CTTNBP2: variants seen among roughly 807,000 people sequenced by gnomAD.
CTTNBP2 encodes cortactin-binding protein 2.
Under a neutral mutation model 156.9 loss-of-function variants are expected in CTTNBP2, and 108 were observed. The observed-to-expected ratio is 0.69, with a 90% CI of 0.59 to 0.81. The LOEUF (loss-of-function observed/expected upper bound fraction) is 0.81, where lower values mean the gene tolerates loss of function less well. Ranked by LOEUF, CTTNBP2 falls within the 30% of genes least tolerant of loss-of-function variation. The probability of loss-of-function intolerance (pLI) is 0.00; values close to 1 mark genes in which losing one functional copy is unlikely to be tolerated. For synonymous variants in CTTNBP2, 767 were observed against 751.8 expected, an observed-to-expected ratio of 1.02 and a Z score of -0.33; for missense variants, 1,924 against 2,035.4, an observed-to-expected ratio of 0.95 and a Z score of 1.05.
intron 2 of CTTNBP2, among the ~76,000 whole-genome samples, chr7:117,828,483 T>C (rs1192079821): frequency 6.6e-6 from 1 of 152,164 alleles, no homozygotes; most frequent in African/African-American, 2.4e-5. Context: ...GCAGGACAAG[T>C]ATCATTTGCA....
At chr7:117,871,934 C>A (rs1804635425) in intron 1 of CTTNBP2, 23 of 984,374 alleles carry the variant, frequency 2.3e-5, no homozygotes, top group Non-Finnish European at 2.8e-5. Context: ...GGCACCAAAT[C>A]ATTTCCACTT....
At position 117,792,511 on chromosome 7, in the gene CTTNBP2, T is replaced by C; in HGVS notation, c.685A>G (p.Lys229Glu). 1 of 1,614,190 alleles carries C rather than the reference T, an allele frequency of 6.2e-7. No homozygotes were observed. The highest frequency in any genetic ancestry group is 8.5e-7 in the Non-Finnish European group (1 of 1,180,024). Reference sequence around the variant, plus strand: ...TCAGTGTCAAACTCAGAGAGTTGTTTTTCCATCTGAGCTTCCATTTCTGTG... The same window carrying C: ...TCAGTGTCAAACTCAGAGAGTTGTTCTTCCATCTGAGCTTCCATTTCTGTG... The part of the protein sequence containing the change: ...RSTEMEAQME[K>E]QLSEFDTERE... The change falls in exon 4 of 23, where the codon AAA becomes GAA. Residue 229 changes from lysine to glutamate, a missense_variant. Coordinates refer to ENST00000160373, the MANE Select transcript of CTTNBP2 (RefSeq NM_033427.3). This position sits in a 1 kb window ranked among gnomAD's most constrained non-coding sequence, Gnocchi z 4.2.
intron 11 of CTTNBP2, among the ~76,000 whole-genome samples, chr7:117,757,528 T>TAA (rs56687697): frequency 0.055 from 4,987 of 91,294 alleles, 166 homozygotes; most frequent in African/African-American, 0.093. Context: ...TTAAGCACAG[T>TAA]AAAAAAAAAA....
chr7:117,714,735 G>T (rs1303578858), intron 22 of CTTNBP2, among the ~76,000 whole-genome samples: 1 of 152,204 alleles, frequency 6.6e-6, no homozygotes, highest in African/African-American at 2.4e-5. Context: ...GTTAGGATGA[G>T]AACATGGAGA....
At chr7:117,761,755 G>A in intron 9 of CTTNBP2, among the ~76,000 whole-genome samples, 1 of 152,094 alleles carries the variant, frequency 6.6e-6, no homozygotes, top group South Asian at 2.1e-4. Context: ...TCAAAGGTAT[G>A]TTTTTTTCAA....
chr7:117,823,360 TGTG>T (rs1394048412), intron 2 of CTTNBP2, among the ~76,000 whole-genome samples: 2 of 152,190 alleles, frequency 1.3e-5, no homozygotes, highest in Non-Finnish European at 2.9e-5. Context: ...AATTAAGTCT[TGTG>T]GTTGAAAAAA....
intron 6 of CTTNBP2, among the ~76,000 whole-genome samples, chr7:117,782,393 A>G (rs552341055): frequency 1.3e-5 from 2 of 152,332 alleles, no homozygotes; most frequent in South Asian, 2.1e-4. Flanking sequence ...TCATGCTTCC[A>G]TTTTGTTTTA....
chr7:117,760,372 A>T, intron 10 of CTTNBP2, 63 bp downstream of exon 10: 1 of 1,513,014 alleles, frequency 6.6e-7, no homozygotes, highest in Admixed American at 1.8e-5. Flanking sequence ...TCAGGTTATG[A>T]AACCCACAAA....
In CTTNBP2 at chr7:117,728,150, GA is replaced by G; in HGVS notation, c.3993del (p.Gly1333AspfsTer10). 6.2e-7 allele frequency: 1 copy of G among 1,614,204 alleles called. No homozygotes were observed. Among genetic ancestry groups the G allele is most frequent in the Non-Finnish European group, 8.5e-7 (1 of 1,180,014 alleles). ...CAAGACAGGAAATATTTTGGTCCAA[GA>G]AGTGCTTCAGGTGTGCCCAAGCGGG... ...CLARLGTPEA[L>X]LGPKYFLSCP... On this transcript the variant is annotated frameshift_variant, in exon 17 of 23. Transcript: ENST00000160373. LOFTEE classifies it high-confidence loss of function.
At chr7:117,753,765 G>C (rs1335520793) in intron 12 of CTTNBP2, among the ~76,000 whole-genome samples, 1 of 95,422 alleles carries the variant, frequency 1.0e-5, no homozygotes, top group Non-Finnish European at 2.4e-5. Flanking sequence ...CTGTCACAGT[G>C]GGGGCTGGCG....
intron 2 of CTTNBP2, among the ~76,000 whole-genome samples, chr7:117,855,533 C>T (rs921981199): frequency 6.6e-6 from 1 of 152,150 alleles, no homozygotes; most frequent in Non-Finnish European, 1.5e-5. Context: ...GTTGTCACAA[C>T]CAAAGAGTTG....
intron 2 of CTTNBP2, among the ~76,000 whole-genome samples, chr7:117,812,219 G>A (rs2116977078): frequency 6.6e-6 from 1 of 152,070 alleles, no homozygotes; most frequent in East Asian, 1.9e-4. Context: ...GAAAATAGCA[G>A]TAGAAATGTA....
chr7:117,781,704 C>T (rs977907965), intron 6 of CTTNBP2, among the ~76,000 whole-genome samples: 3 of 152,150 alleles, frequency 2.0e-5, no homozygotes, highest in Admixed American at 6.5e-5. Context: ...CACCACTATA[C>T]TCCAGCCTGG....
At chr7:117,818,571 C>T (rs1416043596) in intron 2 of CTTNBP2, among the ~76,000 whole-genome samples, 1 of 152,132 alleles carries the variant, frequency 6.6e-6, no homozygotes, top group Non-Finnish European at 1.5e-5. Context: ...ATGGACACTG[C>T]CCCTCCTCCA....
At chr7:117,859,501 AATATAT>A (rs969633975) in intron 2 of CTTNBP2, among the ~76,000 whole-genome samples, 122 of 151,834 alleles carry the variant, frequency 8.0e-4, no homozygotes, top group Non-Finnish European at 1.5e-3. Context: ...AGGACCAAAA[AATATAT>A]ATATATATCT....
chr7:117,798,899 AATATT>A (rs890306994), intron 3 of CTTNBP2, among the ~76,000 whole-genome samples: 1 of 152,012 alleles, frequency 6.6e-6, no homozygotes, highest in Admixed American at 6.5e-5. Flanking sequence ...AGATTAAAGA[AATATT>A]AAAAGGATAA....
chr7:117,826,196 C>T (rs1243405079), intron 2 of CTTNBP2, among the ~76,000 whole-genome samples: 1 of 152,114 alleles, frequency 6.6e-6, no homozygotes, highest in African/African-American at 2.4e-5. Flanking sequence ...CAACTGTAAT[C>T]CACGTGCCCA....
At chr7:117,852,765 C>T (rs545208572) in intron 2 of CTTNBP2, among the ~76,000 whole-genome samples, 1 of 152,246 alleles carries the variant, frequency 6.6e-6, no homozygotes, top group South Asian at 2.1e-4. Context: ...TTCTATGCAG[C>T]TTTTGAAATT....
At chr7:117,831,792 T>C (rs1274245057) in intron 2 of CTTNBP2, among the ~76,000 whole-genome samples, 2 of 152,048 alleles carry the variant, frequency 1.3e-5, no homozygotes. Flanking sequence ...TCTTGCTTTC[T>C]TCTTCATGCT....
Sources: gnomAD v4.1 joint callset for allele counts (sites outside exome capture counted in the v4.1 genomes callset) on GRCh38, gnomAD v4.1.1 for gene constraint, Gnocchi (gnomAD v3.1) non-coding constraint, MANE v1.5 for transcripts, NCBI Gene and HGNC (gene_info 2026-07-23, HGNC 2026-07-21) for gene names.